Variants in CARMIL1 observed in about 807,000 individuals in gnomAD.
The protein encoded by CARMIL1 is capping protein regulator and myosin 1 linker 1.
In CARMIL1, 90 loss-of-function variants were observed where a neutral mutation model predicts 177.1. The observed-to-expected ratio is 0.51, with a 90% CI of 0.43 to 0.61. The LOEUF (loss-of-function observed/expected upper bound fraction) is 0.61, where lower values mean the gene tolerates loss of function less well. Among genes scored for constraint, CARMIL1 ranks in the 20% least tolerant of loss-of-function variants. The pLI is 0.00. For missense variants in CARMIL1, 1,380 were observed against 1,667.0 expected (o/e 0.83, Z 3.00); for synonymous variants, 577 against 606.2 (o/e 0.95, Z 0.71).
intron 1 of CARMIL1, among the ~76,000 whole-genome samples, chr6:25,280,451 G>A (rs1405296967): frequency 6.6e-6 from 1 of 152,138 alleles, no homozygotes; most frequent in Non-Finnish European, 1.5e-5. Flanking sequence ...GCAGACTCAG[G>A]CCAGGAAATA....
intron 12 of CARMIL1, 33 bp from the exon 13 acceptor site, chr6:25,488,449 G>A: frequency 2.0e-6 from 3 of 1,518,260 alleles, no homozygotes; most frequent in Non-Finnish European, 2.7e-6. Context: ...TTCCTGGAGT[G>A]CAAACTGAGC....
At chr6:25,542,654 A>G (rs1402725262) in intron 26 of CARMIL1, among the ~76,000 whole-genome samples, 1 of 152,170 alleles carries the variant, frequency 6.6e-6, no homozygotes, top group East Asian at 1.9e-4. Flanking sequence ...AATCAGAGAA[A>G]ATCCTCAACT....
Position 25,434,372 on chromosome 6 carries a change from T to A in CARMIL1, c.250-1111T>A, listed in dbSNP as rs116734779. ...ATTTAGAGGACTAGCTGTCTCAGTC[T>A]CAACATTTTTTGACATGTTTTGGAC... On this transcript the variant is annotated intron_variant, in intron 4 of 36. Coordinates refer to ENST00000329474, the MANE Select transcript of CARMIL1 (RefSeq NM_017640.6). 8.8e-3 allele frequency among the ~76,000 whole-genome samples: 1,339 copies of A among 152,312 alleles called. 15 individuals carry two copies. The highest frequency in any genetic ancestry group is 0.027 in the Middle Eastern group (8 of 294).
Position 25,281,032 on chromosome 6 carries a change from T to C in CARMIL1, c.40+1197T>C, listed in dbSNP as rs914798621. On this transcript the variant is annotated intron_variant, in intron 1 of 36. Coordinates refer to ENST00000329474, the MANE Select transcript of CARMIL1 (RefSeq NM_017640.6). ...TTGATGTAGAGAGGCTGTTGCTAGG[T>C]TTGTATGGAAGCCCCTACTTCTGCT... 2.6e-5 allele frequency among the ~76,000 whole-genome samples: 4 copies of C among 152,092 alleles called. No homozygotes were observed. In the East Asian group the frequency reaches 7.7e-4, roughly 29 times the overall value.
intron 5 of CARMIL1, among the ~76,000 whole-genome samples, chr6:25,438,841 T>A (rs925822858): frequency 2.7e-5 from 4 of 150,338 alleles, no homozygotes; most frequent in African/African-American, 9.9e-5. Flanking sequence ...CTTTAGATAG[T>A]TTATGAAAAT....
intron 2 of CARMIL1, among the ~76,000 whole-genome samples, chr6:25,323,427 A>G (rs1784831993): frequency 6.6e-6 from 1 of 150,814 alleles, no homozygotes; most frequent in Admixed American, 6.6e-5. Flanking sequence ...CTACAAAAAA[A>G]AAAAAAAAAA....
chr6:25,309,089 T>C (rs987523027), intron 2 of CARMIL1, among the ~76,000 whole-genome samples: 2 of 152,218 alleles, frequency 1.3e-5, no homozygotes, highest in Non-Finnish European at 2.9e-5. Flanking sequence ...GGTCTCACTA[T>C]GTTGCCCAGG....
rs561695372 is a variant in CARMIL1 at position 25,456,236 on chromosome 6, G to A, written c.614+5525G>A. Among the ~76,000 whole-genome samples the A allele has an allele frequency of 7.9e-5, 12 of 152,216 alleles. No homozygotes were observed. In the East Asian group the frequency reaches 1.9e-3, roughly 24 times the overall value. On this transcript the variant is annotated intron_variant, in intron 8 of 36. Coordinates refer to ENST00000329474, the MANE Select transcript of CARMIL1 (RefSeq NM_017640.6). ...ATATCTTGCTACTGCACTAAAACCCGTAAGATCTATATAGGTGCTTCATGG... is the reference window on the plus strand; with the variant it reads ...ATATCTTGCTACTGCACTAAAACCCATAAGATCTATATAGGTGCTTCATGG...
intron 36 of CARMIL1, among the ~76,000 whole-genome samples, chr6:25,613,818 A>G (rs2024874): frequency 0.64 from 97,467 of 151,954 alleles, 31,562 homozygotes; most frequent in East Asian, 0.83. Flanking sequence ...CTGTTAAACC[A>G]TATCAGGGGT....
intron 32 of CARMIL1, among the ~76,000 whole-genome samples, chr6:25,595,441 A>G (rs1373507096): frequency 2.0e-5 from 3 of 152,202 alleles, no homozygotes; most frequent in Non-Finnish European, 1.5e-5. Flanking sequence ...ATAACAATGT[A>G]ACTTACTGAA....
chr6:25,417,974 C>T (rs1345102485), intron 2 of CARMIL1, among the ~76,000 whole-genome samples: 1 of 151,660 alleles, frequency 6.6e-6, no homozygotes, highest in Non-Finnish European at 1.5e-5. Flanking sequence ...TTATGGCTTG[C>T]AATCTGTACA....
chr6:25,435,342 C>T (rs1797128518), intron 4 of CARMIL1, 141 bp from the exon 5 acceptor site: 1 of 878,168 alleles, frequency 1.1e-6, no homozygotes, highest in Non-Finnish European at 1.6e-6. Flanking sequence ...GATGTGCTAC[C>T]CTCGAACCTT....
chr6:25,498,138 T>A (rs1803925639), intron 16 of CARMIL1, among the ~76,000 whole-genome samples: 1 of 152,164 alleles, frequency 6.6e-6, no homozygotes, highest in African/African-American at 2.4e-5. Context: ...TTTCTCCCTG[T>A]CATGTGGTAC....
At chr6:25,297,221 T>C (rs1198222260) in intron 2 of CARMIL1, among the ~76,000 whole-genome samples, 2 of 152,276 alleles carry the variant, frequency 1.3e-5, no homozygotes, top group East Asian at 1.9e-4. Flanking sequence ...AGTCACTGCT[T>C]GTGCTGTTGA....
At chr6:25,570,472 C>T (rs1424677842) in intron 29 of CARMIL1, among the ~76,000 whole-genome samples, 2 of 152,054 alleles carry the variant, frequency 1.3e-5, no homozygotes, top group Admixed American at 6.6e-5. Context: ...AACATTCAAA[C>T]GTGAATTTTT....
chr6:25,345,266 T>G (rs1483736605), intron 2 of CARMIL1, among the ~76,000 whole-genome samples: 1 of 152,164 alleles, frequency 6.6e-6, no homozygotes, highest in Non-Finnish European at 1.5e-5. Context: ...ATGCACCTCA[T>G]TTTTTTGGTT....
chr6:25,362,578 G>T (rs891297680), intron 2 of CARMIL1, among the ~76,000 whole-genome samples: 2 of 152,150 alleles, frequency 1.3e-5, no homozygotes, highest in African/African-American at 4.8e-5. Flanking sequence ...GGAGGCTGAG[G>T]CAGGGGAATC....
chr6:25,598,808 T>C (rs1815102822), intron 32 of CARMIL1, among the ~76,000 whole-genome samples: 1 of 152,172 alleles, frequency 6.6e-6, no homozygotes, highest in South Asian at 2.1e-4. Context: ...TGGGCTTCAA[T>C]GTAGGGTGGT....
rs1257019396 is a variant in CARMIL1 at position 25,471,235 on chromosome 6, T to C, written c.757T>C (p.Leu253=). 1.9e-6 allele frequency: 3 copies of C among 1,613,266 alleles called. No individual in the cohort carries two copies. Among genetic ancestry groups the C allele is most frequent in the Non-Finnish European group, 2.5e-6 (3 of 1,179,384 alleles). ...GTCCAATCGACTGGAAGAATTGGTG[T>C]TGGAAAATGCTGGACTTAGAACGTG... ...SRSNRLEELV[L]ENAGLRTDFA... is the part of the protein sequence containing the mutation. The change falls in exon 10 of 37, where the codon TTG becomes CTG. Residue 253 remains leucine, a synonymous_variant. Coordinates refer to ENST00000329474, the MANE Select transcript of CARMIL1 (RefSeq NM_017640.6).
Sources: gnomAD v4.1 joint callset for allele counts (sites outside exome capture counted in the v4.1 genomes callset) on GRCh38, gnomAD v4.1.1 for gene constraint, MANE v1.5 for transcripts, NCBI Gene and HGNC (gene_info 2026-07-23, HGNC 2026-07-21) for gene names.